Variants in CREBBP observed in about 807,000 individuals in gnomAD.
CREBBP encodes CREB-binding protein.
CREBBP carries 19 observed loss-of-function variants against 265.0 expected under a neutral mutation model. That is an observed-to-expected ratio of 0.07 (90% CI 0.05 to 0.11). The LOEUF is 0.11. Ranked by LOEUF, CREBBP falls within the 10% of genes least tolerant of loss-of-function variation. The pLI, the probability that CREBBP is intolerant of heterozygous loss-of-function variation, is 1.00. For synonymous variants in CREBBP, 1,457 were observed against 1,223.7 expected, an observed-to-expected ratio of 1.19 and a Z score of -3.98; for missense variants, 2,525 against 3,219.0, an observed-to-expected ratio of 0.78 and a Z score of 5.22.
Position 3,850,533 on chromosome 16 carries a change from G to A in CREBBP, c.562C>T (p.Leu188Phe), listed in dbSNP as rs1181685618. The A allele has an allele frequency of 1.2e-6, 2 of 1,614,240 alleles. No individual in the cohort carries two copies. The highest frequency in any genetic ancestry group is 1.7e-6 in the Non-Finnish European group (2 of 1,180,044). ...NANFNQTHPG[L>F]LNSNSGHSLI... ...CTATGGCCAGAGTTACTATTGAGGA[G>A]GCCTGGGTGGGTCTGGTTAAAGTTA... Residue 188 changes from leucine to phenylalanine, a missense_variant, in exon 2 of 31, where the codon CTC becomes TTC. By Grantham distance (22) the Leu-to-Phe change is conservative. This residue lies in a region of CREBBP where 356 missense variants were observed against 340.4 expected (regional missense o/e 1.05). Coordinates refer to ENST00000262367, the MANE Select transcript of CREBBP (RefSeq NM_004380.3).
intron 21 of CREBBP, among the ~76,000 whole-genome samples, chr16:3,748,338 G>A (rs929319721): frequency 6.6e-6 from 1 of 152,120 alleles, no homozygotes; most frequent in African/African-American, 2.4e-5. Context: ...ATAAAGCCAA[G>A]GAGAGAAAGA....
Position 3,725,518 on chromosome 16 carries a change from T to G in CREBBP, c.*2200A>C. 1 of 233,328 alleles carries G rather than the reference T, an allele frequency of 4.3e-6. No individual in the cohort carries two copies. The highest frequency in any genetic ancestry group is 8.5e-6 in the Non-Finnish European group (1 of 118,050). 14.5% of individuals were successfully genotyped at this position (233,328 alleles called of 1,614,324 possible). A position where few individuals can be genotyped will look rare whatever the true frequency, so the allele number is the denominator to read the frequency against. On this transcript the variant is annotated 3_prime_UTR_variant, in exon 31 of 31. Transcript: ENST00000262367. Reference sequence around the variant, plus strand: ...CGGGTGGAAAAGATGAAGAGGACACTGGAGGTTAAGAACCCAGCAGGCCGA... The same window carrying G: ...CGGGTGGAAAAGATGAAGAGGACACGGGAGGTTAAGAACCCAGCAGGCCGA...
chr16:3,853,292 G>A (rs187184725), intron 1 of CREBBP, among the ~76,000 whole-genome samples: 19 of 152,320 alleles, frequency 1.2e-4, no homozygotes, highest in Non-Finnish European at 2.6e-4. Context: ...CATAACAGGA[G>A]GTTTAATAAG....
chr16:3,820,906 C>T (rs947068340), intron 2 of CREBBP, among the ~76,000 whole-genome samples: 2 of 152,260 alleles, frequency 1.3e-5, no homozygotes, highest in Middle Eastern at 3.4e-3. Context: ...TGTTAGTCAC[C>T]CAACTGCTCC....
At chr16:3,732,999 CAG>C (rs970536462) in intron 28 of CREBBP, among the ~76,000 whole-genome samples, 1 of 152,044 alleles carries the variant, frequency 6.6e-6, no homozygotes, top group South Asian at 2.1e-4. Flanking sequence ...CGTGCCCAGC[CAG>C]AGAGTTTCAT....
At chr16:3,761,751 C>T (rs972968326) in intron 16 of CREBBP, among the ~76,000 whole-genome samples, 1 of 152,250 alleles carries the variant, frequency 6.6e-6, no homozygotes, top group South Asian at 2.1e-4. Flanking sequence ...GTGCCCTTCA[C>T]AGTGGGAAGC....
intron 2 of CREBBP, among the ~76,000 whole-genome samples, chr16:3,826,956 T>C (rs913044897): frequency 1.3e-5 from 2 of 152,160 alleles, no homozygotes; most frequent in Non-Finnish European, 2.9e-5. Flanking sequence ...AAGAACCCTG[T>C]TGTACTATCT....
chr16:3,824,265 G>A (rs1029572977), intron 2 of CREBBP, among the ~76,000 whole-genome samples: 6 of 152,254 alleles, frequency 3.9e-5, no homozygotes, highest in Non-Finnish European at 7.3e-5. Flanking sequence ...CCGAGGCTAC[G>A]CCTCTGCAAC....
At position 3,775,663 on chromosome 16, in the gene CREBBP, T is replaced by A. The variant is rs545360508; in HGVS notation, c.2159-970A>T. On this transcript the variant is annotated intron_variant, in intron 11 of 30. Coordinates refer to ENST00000262367, the MANE Select transcript of CREBBP (RefSeq NM_004380.3). ...TGTAAGCTTCCCCACTCCTTGAGAA[T>A]TTTTTTAAACAAAATGAAAAACAAT... 6.6e-5 allele frequency among the ~76,000 whole-genome samples: 10 copies of A among 152,300 alleles called. No individual in the cohort carries two copies. The South Asian group carries it at 2.1e-3, about 32-fold the overall frequency.
At chr16:3,837,634 T>A (rs936968670) in intron 2 of CREBBP, among the ~76,000 whole-genome samples, 17 of 149,948 alleles carry the variant, frequency 1.1e-4, no homozygotes, top group African/African-American at 4.1e-4. Context: ...ATAATAATAA[T>A]AAATAAATAA....
Position 3,725,327 on chromosome 16 carries a change from A to C in CREBBP, c.*2391T>G. The C allele has an allele frequency of 4.3e-6, 1 of 233,290 alleles. No homozygotes were observed. Among genetic ancestry groups the C allele is most frequent in the Non-Finnish European group, 8.5e-6 (1 of 118,024 alleles). The allele number at this position is 233,290 out of a possible 1,614,324, so 14.5% of individuals were successfully genotyped here. A position where few individuals can be genotyped will look rare whatever the true frequency, so the allele number is the denominator to read the frequency against. On this transcript the variant is annotated 3_prime_UTR_variant, in exon 31 of 31. Transcript: ENST00000262367. The stretch of plus-strand genomic sequence containing the variant: ...ACTCCAAAGAGGATGAGGTTGGTAC[A>C]TAACGTTTTGAATTCCAGGATAACC...
intron 3 of CREBBP, 143 bp downstream of exon 3, chr16:3,810,460 G>GCCCC (rs1235665034): frequency 7.4e-5 from 67 of 909,532 alleles, no homozygotes; most frequent in Non-Finnish European, 1.0e-4. Flanking sequence ...CATTTAGAGA[G>GCCCC]CTACTCATGA....
intron 1 of CREBBP, among the ~76,000 whole-genome samples, chr16:3,854,755 G>T (rs1020438196): frequency 1.3e-5 from 2 of 152,170 alleles, no homozygotes; most frequent in Non-Finnish European, 2.9e-5. Context: ...CAGCAACTAT[G>T]AAGACTTTCT....
intron 16 of CREBBP, among the ~76,000 whole-genome samples, chr16:3,762,354 TTC>T (rs1377832912): frequency 1.3e-5 from 2 of 148,328 alleles, no homozygotes; most frequent in South Asian, 2.1e-4. Flanking sequence ...GGAGAGCATT[TTC>T]TTTCCTTTTT....
chr16:3,846,801 T>C (rs904825811), intron 2 of CREBBP, among the ~76,000 whole-genome samples: 8 of 152,230 alleles, frequency 5.3e-5, no homozygotes, highest in Non-Finnish European at 1.0e-4. Context: ...TCTATACGCA[T>C]ACATCATCAC....
intron 20 of CREBBP, among the ~76,000 whole-genome samples, chr16:3,751,042 G>GT (rs2052460896): frequency 2.6e-5 from 4 of 151,880 alleles, no homozygotes; most frequent in Admixed American, 2.0e-4. Context: ...GGTAACAACA[G>GT]TGAGACCCCA....
chr16:3,802,132 T>A (rs1403563238), intron 3 of CREBBP, among the ~76,000 whole-genome samples: 67 of 117,670 alleles, frequency 5.7e-4, no homozygotes, highest in Non-Finnish European at 9.3e-4. Flanking sequence ...TTTTTTTTTT[T>A]TTTTTTTTTT....
rs1421890167 is a variant in CREBBP, at chr16:3,880,324, T to TC, written c.-409dup. 1,217 of 108,190 alleles carry TC rather than the reference T, an allele frequency of 0.011. 11 individuals are homozygous for TC. Among genetic ancestry groups the TC allele is most frequent in the East Asian group, 0.014 (52 of 3,768 alleles). 6.7% of individuals were successfully genotyped at this position (108,190 alleles called of 1,614,324 possible). A position where few individuals can be genotyped will look rare whatever the true frequency, so the allele number is the denominator to read the frequency against. On this transcript the variant is annotated 5_prime_UTR_variant, in exon 1 of 31. Coordinates refer to ENST00000262367, the MANE Select transcript of CREBBP (RefSeq NM_004380.3). ...GGTGCCGCCGCCGCCGCCGCCTCGCTCCCCCCCCGCGCCCCACTTAATGAA... is the reference window on the plus strand; with the variant it reads ...GGTGCCGCCGCCGCCGCCGCCTCGCTCCCCCCCCCGCGCCCCACTTAATGAA...
chr16:3,863,657 A>C (rs558198520), intron 1 of CREBBP, among the ~76,000 whole-genome samples: 1 of 152,142 alleles, frequency 6.6e-6, no homozygotes, highest in East Asian at 1.9e-4. Flanking sequence ...GTTCTTTGTC[A>C]CCTGGGACCC....
Sources: allele counts gnomAD v4.1 joint callset (sites outside exome capture counted in the v4.1 genomes callset), GRCh38; gene constraint gnomAD v4.1.1; regional missense constraint gnomAD v4.1.1; transcripts MANE v1.5; gene names NCBI Gene and HGNC (gene_info 2026-07-23, HGNC 2026-07-21).